The following CEP128 variants were observed in gnomAD, a reference collection of about 807,000 sequenced individuals.
CEP128 encodes the protein centrosomal protein 128.
CEP128 carries 132 observed loss-of-function variants against 156.7 expected under a neutral mutation model. That is an observed-to-expected ratio of 0.84 (90% CI 0.73 to 0.97). CEP128 has a LOEUF of 0.97. Among genes scored for constraint, CEP128 ranks in the 50% least tolerant of loss-of-function variants. CEP128 has a pLI of 0.00. For missense variants in CEP128, 1,252 were observed against 1,281.9 expected, an observed-to-expected ratio of 0.98 and a Z score of 0.36; for synonymous variants, 469 against 448.9, an observed-to-expected ratio of 1.04 and a Z score of -0.57.
intron 18 of CEP128, among the ~76,000 whole-genome samples, chr14:80,748,859 C>A (rs1437992750): frequency 6.6e-6 from 1 of 152,106 alleles, no homozygotes; most frequent in Non-Finnish European, 1.5e-5. Context: ...TTCCTGACTC[C>A]AGGCCCTAGC....
intron 16 of CEP128, among the ~76,000 whole-genome samples, chr14:80,770,676 C>T (rs951975519): frequency 6.6e-6 from 1 of 152,110 alleles, no homozygotes; most frequent in African/African-American, 2.4e-5. Flanking sequence ...TTACTCATAA[C>T]ATCCTAGTTA....
chr14:80,696,189 G>A (rs116448501), intron 19 of CEP128, among the ~76,000 whole-genome samples: 10,022 of 152,216 alleles, frequency 0.066, 473 homozygotes, highest in South Asian at 0.23. Flanking sequence ...GAAGGAGACC[G>A]GAAAGACCTG....
At chr14:80,629,226 A>G (rs1272860911) in intron 19 of CEP128, among the ~76,000 whole-genome samples, 1 of 152,154 alleles carries the variant, frequency 6.6e-6, no homozygotes, top group Admixed American at 6.5e-5. Context: ...GAGATCAGCG[A>G]TGTGAGTTGT....
chr14:80,477,569 T>C (rs1208204683), exon 15 of CEP128: 2 of 152,246 alleles, frequency 1.3e-5, no homozygotes, highest in Non-Finnish European at 2.9e-5. Flanking sequence ...CATGCATTTC[T>C]ATTTTGATGA....
intron 19 of CEP128, among the ~76,000 whole-genome samples, chr14:80,640,907 T>C (rs745934930): frequency 6.6e-6 from 1 of 152,190 alleles, no homozygotes; most frequent in Non-Finnish European, 1.5e-5. Flanking sequence ...TTGAAGAGCA[T>C]GAGTTTTGAA....
At chr14:80,701,823 G>C (rs935677504) in intron 19 of CEP128, among the ~76,000 whole-genome samples, 1 of 152,100 alleles carries the variant, frequency 6.6e-6, no homozygotes, top group East Asian at 1.9e-4. Context: ...GGCTCACCCT[G>C]TTCCAGCCAC....
intron 13 of CEP128, among the ~76,000 whole-genome samples, chr14:80,812,896 T>C (rs1235694557): frequency 6.6e-6 from 1 of 152,144 alleles, no homozygotes; most frequent in Non-Finnish European, 1.5e-5. Context: ...TTTTAACTTT[T>C]CATTAATGGC....
chr14:80,844,192 C>CA (rs548182892), intron 9 of CEP128, among the ~76,000 whole-genome samples: 26 of 145,544 alleles, frequency 1.8e-4, no homozygotes, highest in African/African-American at 4.0e-4. Context: ...CTTTTCAAGG[C>CA]AAAAAAAAAC....
At chr14:80,791,812 T>C (rs1243811904) in intron 14 of CEP128, among the ~76,000 whole-genome samples, 2 of 152,210 alleles carry the variant, frequency 1.3e-5, no homozygotes. Context: ...TAAAGCATCT[T>C]TTCCATGACA....
Position 80,518,820 on chromosome 14 carries a change from A to G in CEP128, c.3072+8049T>C, listed in dbSNP as rs140999142. Among the ~76,000 whole-genome samples the G allele has an allele frequency of 3.5e-3, 538 of 152,312 alleles. 4 individuals carry two copies. The highest frequency in any genetic ancestry group is 0.012 in the African/African-American group (503 of 41,556). On this transcript the variant is annotated intron_variant, in intron 23 of 24. Coordinates refer to ENST00000555265, the MANE Select transcript of CEP128 (RefSeq NM_152446.5). The stretch of plus-strand genomic sequence containing the variant: ...CTTCAAAATATTGTCAGAATTTATT[A>G]TGTTACCTTGAAACAAAACTAGCCA...
chr14:80,822,745 T>C, intron 13 of CEP128: 1 of 817,262 alleles, frequency 1.2e-6, no homozygotes, highest in Non-Finnish European at 2.2e-6. Context: ...AAAATGGAGA[T>C]GCCAAAACAG....
chr14:80,483,041 A>G (rs116626603), intron 14 of CEP128, among the ~76,000 whole-genome samples: 363 of 152,320 alleles, frequency 2.4e-3, no homozygotes, highest in African/African-American at 8.4e-3. Flanking sequence ...GACCTGCCAT[A>G]TCCTATAGGG....
chr14:80,901,435 C>T (rs901873506), intron 6 of CEP128, among the ~76,000 whole-genome samples: 2 of 152,268 alleles, frequency 1.3e-5, no homozygotes. Context: ...GTGCCAGCTA[C>T]TGAGAAGTGG....
At chr14:80,772,376 C>G (rs1009875479) in intron 16 of CEP128, among the ~76,000 whole-genome samples, 4 of 152,132 alleles carry the variant, frequency 2.6e-5, no homozygotes, top group African/African-American at 9.7e-5. Context: ...AGGAGATCAG[C>G]TGCTGGATGG....
chr14:80,639,571 G>C (rs112608316), intron 19 of CEP128, among the ~76,000 whole-genome samples: 2 of 152,174 alleles, frequency 1.3e-5, no homozygotes, highest in African/African-American at 4.8e-5. Flanking sequence ...ACATTTGTTA[G>C]ATCCCTTATA....
At chr14:80,709,148 T>G (rs963512296) in intron 19 of CEP128, among the ~76,000 whole-genome samples, 5 of 150,770 alleles carry the variant, frequency 3.3e-5, no homozygotes, top group Admixed American at 2.0e-4. Context: ...GGGTTTTTGT[T>G]TTTTTTTTGA....
chr14:80,481,150 C>T (rs1887044103), intron 14 of CEP128, among the ~76,000 whole-genome samples: 2 of 152,220 alleles, frequency 1.3e-5, no homozygotes, highest in South Asian at 4.2e-4. Context: ...CATGCTGCTG[C>T]TAAAGACATA....
chr14:80,891,554 G>A (rs1355039070), intron 8 of CEP128, among the ~76,000 whole-genome samples: 1 of 150,422 alleles, frequency 6.6e-6, no homozygotes, highest in Admixed American at 6.6e-5. Context: ...TAGTTGGAAG[G>A]GTGAGGAGGA....
chr14:80,527,363 G>A (rs1340428007), intron 22 of CEP128: 1 of 296,534 alleles, frequency 3.4e-6, no homozygotes, highest in Non-Finnish European at 7.1e-6. Context: ...TTGAGCCCAG[G>A]AGGCAGAGGT....
Sources: gnomAD v4.1 joint callset for allele counts (sites outside exome capture counted in the v4.1 genomes callset) on GRCh38, gnomAD v4.1.1 for gene constraint, MANE v1.5 for transcripts, NCBI Gene and HGNC (gene_info 2026-07-23, HGNC 2026-07-21) for gene names.